Variants in RNF19A observed in about 807,000 individuals in gnomAD.
RNF19A encodes E3 ubiquitin-protein ligase RNF19A.
In RNF19A, 32 loss-of-function variants were observed where a neutral mutation model predicts 75.7. That is an observed-to-expected ratio of 0.42 (90% CI 0.32 to 0.57). The LOEUF (loss-of-function observed/expected upper bound fraction) is 0.57, where lower values mean the gene tolerates loss of function less well. Among genes scored for constraint, RNF19A ranks in the 20% least tolerant of loss-of-function variants. The pLI is 0.10. For missense variants in RNF19A, 782 were observed against 1,036.3 expected (o/e 0.75, Z 3.37); for synonymous variants, 335 against 345.2 (o/e 0.97, Z 0.33).
In RNF19A at chr8:100,275,880, T is replaced by G. The variant is rs1820483730; in HGVS notation, c.675-719A>C. 6.6e-6 allele frequency among the ~76,000 whole-genome samples: 1 copy of G among 152,172 alleles called. No homozygotes were observed. The highest frequency in any genetic ancestry group is 2.4e-5 in the African/African-American group (1 of 41,452). ...CCAATTTATAAATTTTGTGATAATT[T>G]TGTATGTATGCAGAAGTCACACATT... On this transcript the variant is annotated intron_variant, in intron 2 of 9. Coordinates refer to ENST00000341084, the MANE Select transcript of RNF19A (RefSeq NM_183419.4). This position sits in a 1 kb window ranked among gnomAD's most constrained non-coding sequence, Gnocchi z 4.3.
intron 1 of RNF19A, among the ~76,000 whole-genome samples, chr8:100,316,337 T>C (rs553172227): frequency 5.9e-5 from 9 of 151,992 alleles, no homozygotes; most frequent in Admixed American, 1.3e-4. Flanking sequence ...GCTTCCACAG[T>C]GTGGAAGGGG....
chr8:100,313,418 G>A (rs531274716), upstream of RNF19A: 12 of 510,654 alleles, frequency 2.3e-5, no homozygotes, highest in South Asian at 7.6e-4. Context: ...TGGGGAAGAC[G>A]GAGGAACAGC....
At position 100,309,924 on chromosome 8, in the gene RNF19A, A is replaced by G; in HGVS notation, c.-151T>C. 4.1e-6 allele frequency: 4 copies of G among 985,922 alleles called. No homozygotes were observed. Among genetic ancestry groups the G allele is most frequent in the Non-Finnish European group, 4.8e-6 (4 of 830,354 alleles). 61.1% of individuals were successfully genotyped at this position (985,922 alleles called of 1,614,324 possible). ...TGGCGGGCGAGTAGGCCCATCTCCC[A>G]GCAGCGGCGACAGCAGCCTGAGGAA... On this transcript the variant is annotated 5_prime_UTR_variant, in exon 1 of 10. Coordinates refer to ENST00000341084, the MANE Select transcript of RNF19A (RefSeq NM_183419.4).
chr8:100,263,054 C>A (rs1819799661), intron 7 of RNF19A, among the ~76,000 whole-genome samples: 1 of 152,124 alleles, frequency 6.6e-6, no homozygotes, highest in African/African-American at 2.4e-5. Context: ...GTTAGACACT[C>A]AAGTGCAGAT....
chr8:100,319,829 CT>C lies in RNF19A; in HGVS notation c.-242-6458del, dbSNP rs1173965539. 1.7e-3 allele frequency among the ~76,000 whole-genome samples: 244 copies of C among 145,026 alleles called. 1 individual carries two copies. Among genetic ancestry groups the C allele is most frequent in the African/African-American group, 6.0e-3 (236 of 39,228 alleles). ...ACAGGCGTGAGCCACCGCGTCCAGG[CT>C]TTTTTTTTCTTTTTTTTTTTTCGAG... is the stretch of plus-strand genomic sequence containing the variant. On this transcript the variant is annotated intron_variant, in intron 1 of 3. Coordinates refer to the RNF19A transcript ENST00000519527.
Position 100,264,648 on chromosome 8 carries a change from A to T in RNF19A, c.1306+23T>A. On this transcript the variant is annotated intron_variant, in intron 6 of 9. Transcript: ENST00000341084. The surrounding 1 kb of genome is among the most constrained non-coding windows in gnomAD (Gnocchi z 4.7). Reference sequence around the variant, plus strand: ...TAACTCCATAAAATTGTAGGTAATTAGTACTTTTCAGCATTTTCTTACCTA... The same window carrying T: ...TAACTCCATAAAATTGTAGGTAATTTGTACTTTTCAGCATTTTCTTACCTA... 1 of 1,425,068 alleles carries T rather than the reference A, an allele frequency of 7.0e-7. No individual in the cohort carries two copies. Among genetic ancestry groups the T allele is most frequent in the Non-Finnish European group, 9.8e-7 (1 of 1,017,760 alleles). 88.3% of individuals were successfully genotyped at this position (1,425,068 alleles called of 1,614,324 possible). A position where few individuals can be genotyped will look rare whatever the true frequency, so the allele number is the denominator to read the frequency against.
intron 3 of RNF19A, 125 bp downstream of exon 3, chr8:100,274,828 G>T: frequency 1.5e-6 from 1 of 679,012 alleles, no homozygotes; most frequent in Non-Finnish European, 2.5e-6. Context: ...GTGCTTCTGG[G>T]ATAGAAATGC....
At chr8:100,276,326 A>C (rs1204271910) in intron 2 of RNF19A, among the ~76,000 whole-genome samples, 1 of 152,236 alleles carries the variant, frequency 6.6e-6, no homozygotes, top group Non-Finnish European at 1.5e-5. Flanking sequence ...GAAAAAAGTC[A>C]ATCTCAAAAT....
At chr8:100,321,686 T>A (rs1822467422) in intron 1 of RNF19A, among the ~76,000 whole-genome samples, 1 of 152,242 alleles carries the variant, frequency 6.6e-6, no homozygotes, top group Non-Finnish European at 1.5e-5. Flanking sequence ...GCTATAGCCT[T>A]ACAAAATGTA....
At chr8:100,321,937 C>T (rs1822471029) in intron 1 of RNF19A, among the ~76,000 whole-genome samples, 1 of 152,156 alleles carries the variant, frequency 6.6e-6, no homozygotes. Flanking sequence ...TGTGATCATA[C>T]AGGCTTTGTT....
chr8:100,313,225 G>T, upstream of RNF19A: 2 of 622,206 alleles, frequency 3.2e-6, no homozygotes, highest in Non-Finnish European at 4.0e-6. Flanking sequence ...ATATCCGTTT[G>T]CATGGTGCTT....
intron 1 of RNF19A, among the ~76,000 whole-genome samples, chr8:100,320,891 A>G (rs1044290430): frequency 2.0e-5 from 3 of 152,218 alleles, no homozygotes; most frequent in South Asian, 4.1e-4. Flanking sequence ...TTTACATTAT[A>G]TTGTGGGCTA....
At chr8:100,308,703 G>T (rs1240201224) in intron 1 of RNF19A, among the ~76,000 whole-genome samples, 2 of 151,446 alleles carry the variant, frequency 1.3e-5, no homozygotes, top group Non-Finnish European at 2.9e-5. Context: ...AAAAAAAAAT[G>T]TGGAATGTAA....
chr8:100,315,430 T>C (rs935790276), intron 1 of RNF19A, among the ~76,000 whole-genome samples: 1 of 151,982 alleles, frequency 6.6e-6, no homozygotes, highest in Non-Finnish European at 1.5e-5. Context: ...AATGGGAGCT[T>C]GGGGGCTTTA....
chr8:100,310,064 C>T, upstream of RNF19A: 1 of 985,556 alleles, frequency 1.0e-6, no homozygotes, highest in Non-Finnish European at 1.2e-6. Flanking sequence ...AGTTGTGGCT[C>T]GACGGCTGCT....
chr8:100,326,931 T>C (rs891920490), intron 1 of RNF19A, among the ~76,000 whole-genome samples: 10 of 152,248 alleles, frequency 6.6e-5, no homozygotes, highest in Non-Finnish European at 1.3e-4. Flanking sequence ...AATTTGGTTC[T>C]GTCCCAAAAT....
intron 1 of RNF19A, chr8:100,309,479 T>C (rs1822202986): frequency 1.0e-6 from 1 of 985,352 alleles, no homozygotes; most frequent in Non-Finnish European, 1.2e-6. Context: ...TCTCCCCCGC[T>C]TTAGGGGCAG....
chr8:100,335,844 T>C (rs2130435718), intron 1 of RNF19A, among the ~76,000 whole-genome samples: 1 of 152,372 alleles, frequency 6.6e-6, no homozygotes, highest in East Asian at 1.9e-4. Context: ...AGCAGTGCTC[T>C]GGTCTAAGTG....
chr8:100,314,745 G>T (rs1822348773), upstream of RNF19A, among the ~76,000 whole-genome samples: 2 of 152,040 alleles, frequency 1.3e-5, no homozygotes, highest in Non-Finnish European at 2.9e-5. The surrounding 1 kb of genome is among the most constrained non-coding windows in gnomAD (Gnocchi z 4.1). Context: ...GCTAAATCAA[G>T]CTCACATTCC....
Sources: gnomAD v4.1 joint callset for allele counts (sites outside exome capture counted in the v4.1 genomes callset) on GRCh38, gnomAD v4.1.1 for gene constraint, Gnocchi (gnomAD v3.1) non-coding constraint, MANE v1.5 for transcripts, NCBI Gene and HGNC (gene_info 2026-07-23, HGNC 2026-07-21) for gene names.